The following FGFR2 variants were observed in gnomAD, a reference collection of about 807,000 sequenced individuals.
The protein encoded by FGFR2 is BEK fibroblast growth factor receptor.
A neutral mutation model predicts 95.9 loss-of-function variants in FGFR2; 19 were observed. That is an observed-to-expected ratio of 0.20 (90% CI 0.14 to 0.29). The LOEUF (loss-of-function observed/expected upper bound fraction) is 0.29, where lower values mean the gene tolerates loss of function less well. FGFR2 is among the 10% of genes least tolerant of loss of function. The pLI, the probability that FGFR2 is intolerant of heterozygous loss-of-function variation, is 1.00. For synonymous variants in FGFR2, 392 were observed against 393.3 expected (o/e 1.00, Z 0.04); for missense variants, 707 against 1,056.9 (o/e 0.67, Z 4.59).
At chr10:121,505,073 C>T (rs529864729) in intron 9 of FGFR2, among the ~76,000 whole-genome samples, 5 of 152,296 alleles carry the variant, frequency 3.3e-5, no homozygotes, top group African/African-American at 4.8e-5. Flanking sequence ...TGCTTACAAA[C>T]GCCTTCAATC....
intron 9 of FGFR2, among the ~76,000 whole-genome samples, chr10:121,514,003 G>A (rs548800815): frequency 6.6e-6 from 1 of 152,212 alleles, no homozygotes; most frequent in Admixed American, 6.5e-5. Flanking sequence ...GGCATGCCTG[G>A]AATTAACCTG....
chr10:121,573,107 T>G (rs1376608973), intron 2 of FGFR2, among the ~76,000 whole-genome samples: 1 of 152,206 alleles, frequency 6.6e-6, no homozygotes, highest in South Asian at 2.1e-4. Flanking sequence ...AAACCAGCGA[T>G]AGCAGCACTT....
At chr10:121,525,359 G>A (rs780632863) in intron 6 of FGFR2, among the ~76,000 whole-genome samples, 1 of 152,180 alleles carries the variant, frequency 6.6e-6, no homozygotes, top group Non-Finnish European at 1.5e-5. Flanking sequence ...CTGCTGGAAT[G>A]AGGTTCCACC....
rs1335885591 is a variant in FGFR2, at chr10:121,485,899, G to A, written c.2058-367C>T. On this transcript the variant is annotated intron_variant, in intron 15 of 17. Transcript: ENST00000358487. This position sits in a 1 kb window ranked among gnomAD's most constrained non-coding sequence, Gnocchi z 4.2. ...CCCAAGGGTTGTGATCTACCAGGATGGGCAGTTGACAGAATAAGGCCAGCA... is the reference window on the plus strand; with the variant it reads ...CCCAAGGGTTGTGATCTACCAGGATAGGCAGTTGACAGAATAAGGCCAGCA... Among the ~76,000 whole-genome samples the A allele has an allele frequency of 6.6e-6, 1 of 152,164 alleles. No homozygotes were observed. Among genetic ancestry groups the A allele is most frequent in the African/African-American group, 2.4e-5 (1 of 41,434 alleles).
intron 5 of FGFR2, 23 bp from the exon 6 acceptor site, chr10:121,538,738 G>A (rs375981527): frequency 3.1e-5 from 50 of 1,613,916 alleles, no homozygotes; most frequent in Middle Eastern, 1.6e-4. Context: ...AAGCAAAGGC[G>A]GTTATTTAAC....
At chr10:121,561,176 G>C (rs1425271360) in intron 4 of FGFR2, among the ~76,000 whole-genome samples, 1 of 152,122 alleles carries the variant, frequency 6.6e-6, no homozygotes, top group Non-Finnish European at 1.5e-5. Context: ...TGTAATCCCA[G>C]CACTTTGGGA....
intron 5 of FGFR2, among the ~76,000 whole-genome samples, chr10:121,541,624 A>G (rs752095390): frequency 1.3e-5 from 2 of 152,246 alleles, no homozygotes; most frequent in Non-Finnish European, 2.9e-5. Flanking sequence ...GCTTTCAGAG[A>G]AGAGGGAATG....
chr10:121,482,732 C>T (rs1007129715), intron 17 of FGFR2, among the ~76,000 whole-genome samples: 4 of 152,218 alleles, frequency 2.6e-5, no homozygotes, highest in Non-Finnish European at 5.9e-5. Context: ...GAAGGAGCCA[C>T]TGACATGGCT....
At chr10:121,508,220 A>G (rs1325090243) in intron 9 of FGFR2, among the ~76,000 whole-genome samples, 2 of 152,224 alleles carry the variant, frequency 1.3e-5, no homozygotes, top group Non-Finnish European at 2.9e-5. Flanking sequence ...CAGTGACATT[A>G]AAGGCTGACT....
At chr10:121,596,919 C>T (rs1863509187) in intron 1 of FGFR2, among the ~76,000 whole-genome samples, 1 of 152,014 alleles carries the variant, frequency 6.6e-6, no homozygotes, top group Admixed American at 6.6e-5. Flanking sequence ...ACAGGCTTTT[C>T]AGATGAAAAT....
intron 2 of FGFR2, among the ~76,000 whole-genome samples, chr10:121,570,153 CCT>C (rs10602433): frequency 0.4 from 60,190 of 152,040 alleles, 14,522 homozygotes; most frequent in South Asian, 0.53. Context: ...AACACAAGCA[CCT>C]AACAGCTGGC....
At chr10:121,582,143 G>T (rs918756728) in intron 2 of FGFR2, among the ~76,000 whole-genome samples, 1 of 151,900 alleles carries the variant, frequency 6.6e-6, no homozygotes, top group African/African-American at 2.4e-5. Flanking sequence ...TGTTGGCCAG[G>T]CTAGTCTCAA....
chr10:121,552,027 A>C (rs1195640578), intron 4 of FGFR2, among the ~76,000 whole-genome samples: 3 of 151,450 alleles, frequency 2.0e-5, no homozygotes, highest in African/African-American at 7.3e-5. Flanking sequence ...AACAAACAAA[A>C]AAAAAAACTG....
At chr10:121,514,191 C>A (rs1366764152) in intron 9 of FGFR2, among the ~76,000 whole-genome samples, 2 of 152,208 alleles carry the variant, frequency 1.3e-5, no homozygotes, top group African/African-American at 4.8e-5. Context: ...AATGAGTTTG[C>A]TGTTTTACTT....
At chr10:121,503,756 T>A in intron 10 of FGFR2, 34 bp downstream of exon 10, 3 of 1,613,448 alleles carry the variant, frequency 1.9e-6, no homozygotes, top group Non-Finnish European at 1.7e-6. Flanking sequence ...TAGCTGAGTC[T>A]CCATCCTGGG....
chr10:121,519,007 G>A (rs1236268591), intron 7 of FGFR2, among the ~76,000 whole-genome samples: 3 of 152,222 alleles, frequency 2.0e-5, no homozygotes, highest in African/African-American at 7.2e-5. Context: ...GGAAAGACCT[G>A]GTGGAGAGAA....
intron 9 of FGFR2, among the ~76,000 whole-genome samples, chr10:121,512,022 T>C (rs912061465): frequency 6.6e-6 from 1 of 152,160 alleles, no homozygotes; most frequent in Non-Finnish European, 1.5e-5. Context: ...AGTGAGACGC[T>C]GTGTGTGTAT....
intron 15 of FGFR2, among the ~76,000 whole-genome samples, 166 bp downstream of exon 15, chr10:121,487,188 T>G (rs970899552): frequency 6.6e-6 from 1 of 152,258 alleles, no homozygotes; most frequent in Non-Finnish European, 1.5e-5. Context: ...TAACAGAGCA[T>G]TGGTTATCAG....
rs1847923383 is a variant in FGFR2, at chr10:121,503,881, GTGT to G, written c.1345_1347del (p.Thr449del). On this transcript the variant is annotated inframe_deletion, in exon 10 of 18. Coordinates refer to ENST00000358487, the MANE Select transcript of FGFR2 (RefSeq NM_000141.5). ...GGGGTGTCTGCCGTTGAAGAGAGGC[GTGT>G]TGTTATCCTCACCAGCGGGGTGTTG... 1 of 1,614,124 alleles carries G rather than the reference GTGT, an allele frequency of 6.2e-7. No homozygotes were observed. Among genetic ancestry groups the G allele is most frequent in the Middle Eastern group, 1.6e-4 (1 of 6,062 alleles).
Sources: gnomAD v4.1 joint callset for allele counts (sites outside exome capture counted in the v4.1 genomes callset) on GRCh38, gnomAD v4.1.1 for gene constraint, Gnocchi (gnomAD v3.1) non-coding constraint, MANE v1.5 for transcripts, NCBI Gene and HGNC (gene_info 2026-07-23, HGNC 2026-07-21) for gene names.